IL1R1: variants seen among roughly 807,000 people sequenced by gnomAD.
IL1R1 encodes interleukin-1 receptor type 1.
IL1R1 carries 22 observed loss-of-function variants against 50.2 expected under a neutral mutation model. That is an observed-to-expected ratio of 0.44 (90% CI 0.31 to 0.63). The LOEUF (loss-of-function observed/expected upper bound fraction) is 0.63, where lower values mean the gene tolerates loss of function less well. Among genes scored for constraint, IL1R1 ranks in the 20% least tolerant of loss-of-function variants. The probability of loss-of-function intolerance (pLI) is 0.07; values close to 1 mark genes in which losing one functional copy is unlikely to be tolerated. For synonymous variants in IL1R1, 251 were observed against 236.7 expected (o/e 1.06, Z -0.55); for missense variants, 509 against 676.2 (o/e 0.75, Z 2.74).
At chr2:102,118,321 T>G (rs1681207820) in intron 1 of IL1R1, among the ~76,000 whole-genome samples, 1 of 152,198 alleles carries the variant, frequency 6.6e-6, no homozygotes, top group Admixed American at 6.5e-5. Context: ...GGAAGCGCAC[T>G]TCCCCTCCCA....
chr2:102,166,203 A>G lies in IL1R1; in HGVS notation c.577A>G (p.Asn193Asp), dbSNP rs780401697. The change falls in exon 6 of 12, where the codon AAC becomes GAC. Residue 193 changes from asparagine to aspartate, a missense_variant. Coordinates refer to ENST00000410023, the MANE Select transcript of IL1R1 (RefSeq NM_000877.4). ...VMNVAEKHRG[N>D]YTCHASYTYL... ...GAATGTGGCTGAAAAGCATAGAGGG[A>G]ACTATACTTGTCATGCATCCTACAC... 1.9e-6 allele frequency: 3 copies of G among 1,613,144 alleles called. No homozygotes were observed. In the Admixed American group the frequency reaches 5.0e-5, roughly 27 times the overall value.
intron 1 of IL1R1, among the ~76,000 whole-genome samples, chr2:102,090,127 C>G (rs1184874535): frequency 6.6e-6 from 1 of 151,780 alleles, no homozygotes; most frequent in Non-Finnish European, 1.5e-5. Context: ...AGCCACTGCG[C>G]CCAGCCTATC....
At chr2:102,096,689 G>A (rs551679021) in intron 1 of IL1R1, among the ~76,000 whole-genome samples, 2 of 151,702 alleles carry the variant, frequency 1.3e-5, no homozygotes, top group South Asian at 4.2e-4. Flanking sequence ...ATGTCTTTTG[G>A]TGAGTGGAAG....
At chr2:102,096,419 G>A (rs1423565742) in intron 1 of IL1R1, among the ~76,000 whole-genome samples, 2 of 152,154 alleles carry the variant, frequency 1.3e-5, no homozygotes, top group Non-Finnish European at 1.5e-5. Context: ...TGCCTACCTC[G>A]GAAATGTGAA....
At chr2:102,131,700 G>A (rs751188595) in intron 1 of IL1R1, among the ~76,000 whole-genome samples, 2 of 151,646 alleles carry the variant, frequency 1.3e-5, no homozygotes, top group African/African-American at 2.4e-5. Context: ...AGAGCATCAC[G>A]AAACGGTGGG....
intron 1 of IL1R1, among the ~76,000 whole-genome samples, chr2:102,110,977 G>A (rs1310987383): frequency 6.6e-6 from 1 of 152,174 alleles, no homozygotes; most frequent in Admixed American, 6.5e-5. Context: ...TCTGAGGCAT[G>A]AGAAGGAGCC....
chr2:102,117,599 C>T (rs548019587), intron 1 of IL1R1, among the ~76,000 whole-genome samples: 31 of 152,278 alleles, frequency 2.0e-4, no homozygotes, highest in African/African-American at 7.5e-4. Flanking sequence ...TGGCCTGTTC[C>T]CTGCATATTA....
At chr2:102,095,775 C>T (rs1035083575) in intron 1 of IL1R1, among the ~76,000 whole-genome samples, 10 of 152,044 alleles carry the variant, frequency 6.6e-5, no homozygotes, top group African/African-American at 1.4e-4. Flanking sequence ...GAGGCCGAGG[C>T]GGGCGGATCA....
chr2:102,104,025 C>T (rs967379121), upstream of IL1R1, among the ~76,000 whole-genome samples: 7 of 144,788 alleles, frequency 4.8e-5, no homozygotes, highest in East Asian at 1.4e-3. Context: ...GGAGGCTTGG[C>T]AGCACCAGCT....
chr2:102,168,978 CTTT>C (rs35721344), intron 7 of IL1R1, among the ~76,000 whole-genome samples: 1 of 142,570 alleles, frequency 7.0e-6, no homozygotes. Context: ...GGATTTCTTT[CTTT>C]TTTTTTTTTT....
intron 1 of IL1R1, among the ~76,000 whole-genome samples, chr2:102,135,384 T>C (rs1682289680): frequency 6.6e-6 from 1 of 152,238 alleles, no homozygotes; most frequent in Non-Finnish European, 1.5e-5. Flanking sequence ...TCCTCACCCC[T>C]ACAAAGTACA....
At chr2:102,105,489 C>T (rs766732016) in intron 1 of IL1R1, among the ~76,000 whole-genome samples, 2 of 152,102 alleles carry the variant, frequency 1.3e-5, no homozygotes, top group African/African-American at 2.4e-5. Context: ...CTCAGCCTCC[C>T]GAGTAGCTGG....
At chr2:102,109,285 A>G (rs1342762541) in intron 1 of IL1R1, among the ~76,000 whole-genome samples, 1 of 152,116 alleles carries the variant, frequency 6.6e-6, no homozygotes, top group Non-Finnish European at 1.5e-5. Context: ...ACTACCATTT[A>G]TTGAGTCACC....
At chr2:102,145,416 A>C (rs894097169) in intron 1 of IL1R1, among the ~76,000 whole-genome samples, 3 of 152,072 alleles carry the variant, frequency 2.0e-5, no homozygotes, top group African/African-American at 7.2e-5. Flanking sequence ...CCTGGCCCCG[A>C]GTTATCTCAC....
At chr2:102,125,266 A>G (rs538369811) in intron 1 of IL1R1, among the ~76,000 whole-genome samples, 3 of 152,354 alleles carry the variant, frequency 2.0e-5, no homozygotes, top group Admixed American at 1.3e-4. Flanking sequence ...TCATCTTTGC[A>G]TCAAGAATAA....
Position 102,175,646 on chromosome 2 carries a change from G to T in IL1R1, c.1303+1G>T, listed in dbSNP as rs1285849073. On this transcript the variant is annotated splice_donor_variant, in intron 11 of 11. Transcript: ENST00000410023. LOFTEE classifies it high-confidence loss of function. ...GGAAGGGATGACTACGTTGGGGAAGGTATGTGTGTAATGGAACAGAGTAAA... is the reference window on the plus strand; with the variant it reads ...GGAAGGGATGACTACGTTGGGGAAGTTATGTGTGTAATGGAACAGAGTAAA... 1 of 1,613,614 alleles carries T rather than the reference G, an allele frequency of 6.2e-7. No individual in the cohort carries two copies. Among genetic ancestry groups the T allele is most frequent in the Admixed American group, 1.7e-5 (1 of 60,030 alleles).
At chr2:102,088,773 T>C (rs1426317803) in intron 1 of IL1R1, among the ~76,000 whole-genome samples, 6 of 152,358 alleles carry the variant, frequency 3.9e-5, no homozygotes, top group Non-Finnish European at 1.5e-5. Flanking sequence ...TCAATGATCT[T>C]ACCTAGATAT....
At chr2:102,072,573 A>G (rs1367377082) in intron 1 of IL1R1, among the ~76,000 whole-genome samples, 8 of 152,008 alleles carry the variant, frequency 5.3e-5, no homozygotes, top group East Asian at 1.9e-4. Context: ...TTTCACGTCT[A>G]TTGGCTTTTT....
chr2:102,145,268 G>T (rs982291965), intron 1 of IL1R1, among the ~76,000 whole-genome samples: 7 of 152,162 alleles, frequency 4.6e-5, no homozygotes, highest in African/African-American at 1.7e-4. Flanking sequence ...TCTTCTTGAG[G>T]TTGTGAGGTG....
Sources: allele counts gnomAD v4.1 joint callset (sites outside exome capture counted in the v4.1 genomes callset), GRCh38; gene constraint gnomAD v4.1.1; transcripts MANE v1.5; gene names NCBI Gene and HGNC (gene_info 2026-07-23, HGNC 2026-07-21).